The following PCDH9 variants were observed in gnomAD, a reference collection of about 807,000 sequenced individuals.
PCDH9 encodes protocadherin 9, also known as protocadherin-9.
In PCDH9, 24 loss-of-function variants were observed where a neutral mutation model predicts 70.6. The ratio of observed to expected loss-of-function variants is 0.34; its 90% CI spans 0.25 to 0.48. The LOEUF (loss-of-function observed/expected upper bound fraction) is 0.48, where lower values mean the gene tolerates loss of function less well. Ranked by LOEUF, PCDH9 falls within the 20% of genes least tolerant of loss-of-function variation. The pLI is 0.99. For synonymous variants in PCDH9, 562 were observed against 558.5 expected (o/e 1.01, Z -0.09); for missense variants, 1,281 against 1,503.6 (o/e 0.85, Z 2.45).
rs572197067 is a variant in PCDH9 at position 66,727,998 on chromosome 13, T to A, written c.3139-96587A>T. ...GAATATAAGTATTATAAATTTATTT[T>A]ATTTCAAAATATGTCTCTCCATACT... On this transcript the variant is annotated intron_variant, in intron 3 of 4. Transcript: ENST00000377865. 3.0e-4 allele frequency among the ~76,000 whole-genome samples: 45 copies of A among 152,262 alleles called. No homozygotes were observed. The South Asian group carries it at 9.3e-3, about 32-fold the overall frequency.
intron 2 of PCDH9, among the ~76,000 whole-genome samples, chr13:66,944,024 C>T (rs141396511): frequency 6.7e-6 from 1 of 150,048 alleles, no homozygotes; most frequent in African/African-American, 2.5e-5. Context: ...TATAACTTAA[C>T]ACTATTGTGA....
chr13:67,201,508 G>C (rs1364222882), intron 2 of PCDH9: 2 of 151,882 alleles, frequency 1.3e-5, no homozygotes, highest in African/African-American at 4.8e-5. Flanking sequence ...TTATCACAGG[G>C]AGGAAAGAAT....
At chr13:66,495,277 C>T (rs888319521) in intron 4 of PCDH9, among the ~76,000 whole-genome samples, 6 of 152,006 alleles carry the variant, frequency 3.9e-5, no homozygotes, top group Non-Finnish European at 7.4e-5. Flanking sequence ...TAGTTTAAGC[C>T]TAGGAACCTG....
intron 2 of PCDH9, among the ~76,000 whole-genome samples, chr13:67,148,216 T>C (rs2087570328): frequency 6.6e-6 from 1 of 151,656 alleles, no homozygotes; most frequent in Non-Finnish European, 1.5e-5. Flanking sequence ...TTTTTTTTCA[T>C]CCTGCAAAAT....
At position 66,506,676 on chromosome 13, in the gene PCDH9, C is replaced by T. The variant is rs187422112; in HGVS notation, c.3340+124534G>A. 6.3e-3 allele frequency among the ~76,000 whole-genome samples: 953 copies of T among 152,114 alleles called. 7 individuals are homozygous for T. The highest frequency in any genetic ancestry group is 0.016 in the Admixed American group (246 of 15,262). On this transcript the variant is annotated intron_variant, in intron 4 of 4. Coordinates refer to ENST00000377865, the MANE Select transcript of PCDH9 (RefSeq NM_203487.3). ...TTCAATCCTGATTATGGCATTATGG[C>T]GCTACACACTAAGAAAGCTTAATAA...
intron 4 of PCDH9, among the ~76,000 whole-genome samples, chr13:66,331,069 C>T (rs888323237): frequency 4.6e-5 from 7 of 152,010 alleles, no homozygotes; most frequent in Non-Finnish European, 8.8e-5. Context: ...CTCAGAAAAT[C>T]GTGGACACAT....
intron 4 of PCDH9, among the ~76,000 whole-genome samples, chr13:66,423,528 C>A (rs986971814): frequency 6.6e-5 from 10 of 152,080 alleles, no homozygotes; most frequent in African/African-American, 2.4e-5. Flanking sequence ...TTAACATATG[C>A]AAATCAATAA....
intron 2 of PCDH9, among the ~76,000 whole-genome samples, chr13:67,148,126 T>A (rs1382905432): frequency 1.3e-5 from 2 of 152,100 alleles, no homozygotes; most frequent in African/African-American, 4.8e-5. Flanking sequence ...ATACTTTAAG[T>A]CCTCAGAATT....
intron 4 of PCDH9, among the ~76,000 whole-genome samples, chr13:66,617,782 T>C (rs1054196452): frequency 2.0e-5 from 3 of 152,206 alleles, no homozygotes; most frequent in African/African-American, 7.2e-5. Flanking sequence ...CTCCAAACAG[T>C]CATGCAATTG....
intron 4 of PCDH9, among the ~76,000 whole-genome samples, chr13:66,416,828 A>T (rs1281474734): frequency 6.6e-6 from 1 of 152,166 alleles, no homozygotes; most frequent in Non-Finnish European, 1.5e-5. Flanking sequence ...TGCCAAAGAG[A>T]GAATTTGTTA....
chr13:66,370,889 C>T (rs1956638817), intron 4 of PCDH9, among the ~76,000 whole-genome samples: 1 of 152,010 alleles, frequency 6.6e-6, no homozygotes, highest in South Asian at 2.1e-4. Flanking sequence ...TCTTTTAAAG[C>T]TGTCAACATT....
chr13:67,022,054 AT>A (rs2139862629), intron 2 of PCDH9, among the ~76,000 whole-genome samples: 1 of 126,384 alleles, frequency 7.9e-6, no homozygotes, highest in African/African-American at 3.1e-5. Flanking sequence ...AGCTTTCTTT[AT>A]TTCATAAGAA....
intron 2 of PCDH9, among the ~76,000 whole-genome samples, chr13:67,014,123 T>A (rs17195231): frequency 6.6e-6 from 1 of 152,112 alleles, no homozygotes; most frequent in South Asian, 2.1e-4. Context: ...AGGCAATTTA[T>A]TTGTCCCCAC....
At chr13:66,660,862 T>C (rs1317942974) in intron 3 of PCDH9, among the ~76,000 whole-genome samples, 3 of 152,078 alleles carry the variant, frequency 2.0e-5, no homozygotes, top group Non-Finnish European at 2.9e-5. Flanking sequence ...TTAAGAATTT[T>C]GATTTGCTTC....
At chr13:66,746,926 C>G (rs1272479364) in intron 3 of PCDH9, among the ~76,000 whole-genome samples, 1 of 152,102 alleles carries the variant, frequency 6.6e-6, no homozygotes, top group Non-Finnish European at 1.5e-5. Context: ...ACCCCTATCC[C>G]CCAACTTTCG....
At chr13:66,710,085 A>T (rs183121410) in intron 3 of PCDH9, among the ~76,000 whole-genome samples, 143 of 152,288 alleles carry the variant, frequency 9.4e-4, no homozygotes, top group African/African-American at 3.3e-3. Flanking sequence ...AGGAATAATC[A>T]TCATTTTACT....
At chr13:67,127,690 G>GTGTGTT (rs2087012991) in intron 2 of PCDH9, among the ~76,000 whole-genome samples, 1 of 151,006 alleles carries the variant, frequency 6.6e-6, no homozygotes, top group Admixed American at 6.6e-5. Context: ...GTGTGTGTGT[G>GTGTGTT]TGTGTGTGTG....
chr13:66,465,065 G>T (rs1204906066), intron 4 of PCDH9, among the ~76,000 whole-genome samples: 1 of 151,888 alleles, frequency 6.6e-6, no homozygotes, highest in African/African-American at 2.4e-5. Context: ...CTGGTGAAAA[G>T]TGAAGTTTCA....
intron 2 of PCDH9, among the ~76,000 whole-genome samples, chr13:67,038,122 T>G (rs983542729): frequency 6.6e-6 from 1 of 152,158 alleles, no homozygotes; most frequent in African/African-American, 2.4e-5. Flanking sequence ...GCTAGAAGTT[T>G]GACATTATGA....
Sources: allele counts gnomAD v4.1 joint callset (sites outside exome capture counted in the v4.1 genomes callset), GRCh38; gene constraint gnomAD v4.1.1; transcripts MANE v1.5; gene names NCBI Gene and HGNC (gene_info 2026-07-23, HGNC 2026-07-21).